The following RBMS1 variants were observed in gnomAD, a reference collection of about 807,000 sequenced individuals.
RBMS1 encodes the protein RNA-binding motif, single-stranded-interacting protein 1.
In RBMS1, 17 loss-of-function variants were observed where a neutral mutation model predicts 62.3. That is an observed-to-expected ratio of 0.27 (90% confidence interval 0.19 to 0.41). RBMS1 has a LOEUF of 0.41. RBMS1 is among the 10% of genes least tolerant of loss of function. The probability of loss-of-function intolerance (pLI) is 1.00; values close to 1 mark genes in which losing one functional copy is unlikely to be tolerated. For synonymous variants in RBMS1, 172 were observed against 170.0 expected, an observed-to-expected ratio of 1.01 and a Z score of -0.09; for missense variants, 334 against 504.5, an observed-to-expected ratio of 0.66 and a Z score of 3.24.
At chr2:160,321,361 C>T (rs1690551794) in intron 2 of RBMS1, among the ~76,000 whole-genome samples, 1 of 152,118 alleles carries the variant, frequency 6.6e-6, no homozygotes, top group South Asian at 2.1e-4. Flanking sequence ...CCCTCCTTAA[C>T]TAAGTACTTT....
At chr2:160,453,201 A>G (rs570597143) in intron 1 of RBMS1, among the ~76,000 whole-genome samples, 23 of 152,190 alleles carry the variant, frequency 1.5e-4, no homozygotes, top group African/African-American at 4.8e-4. Flanking sequence ...AGGAGGAACT[A>G]GTCCAGAGAG....
intron 4 of RBMS1, among the ~76,000 whole-genome samples, chr2:160,306,622 A>C (rs2105956655): frequency 6.6e-6 from 1 of 151,962 alleles, no homozygotes; most frequent in Non-Finnish European, 1.5e-5. Context: ...AGTAATTTAA[A>C]AAAAAAAAAG....
chr2:160,471,691 G>GTGTGTATATATATATATATA (rs1275928756), intron 1 of RBMS1, among the ~76,000 whole-genome samples: 18 of 65,938 alleles, frequency 2.7e-4, no homozygotes, highest in African/African-American at 8.8e-4. Flanking sequence ...ATCCTTTGGT[G>GTGTGTATATATATATATATA]TATATATATA....
At chr2:160,295,327 T>A (rs763337842) in intron 6 of RBMS1, among the ~76,000 whole-genome samples, 1 of 152,176 alleles carries the variant, frequency 6.6e-6, no homozygotes, top group Non-Finnish European at 1.5e-5. Flanking sequence ...GTTCCCTGAG[T>A]CTAGCACAAA....
chr2:160,318,984 T>C (rs1690391143), intron 2 of RBMS1, among the ~76,000 whole-genome samples: 1 of 152,240 alleles, frequency 6.6e-6, no homozygotes, highest in Non-Finnish European at 1.5e-5. Flanking sequence ...ATGAGAAATA[T>C]GTTCAAATTC....
chr2:160,364,166 A>C (rs1230661515), intron 2 of RBMS1, among the ~76,000 whole-genome samples: 1 of 152,202 alleles, frequency 6.6e-6, no homozygotes, highest in Non-Finnish European at 1.5e-5. Context: ...GAGAAGGAAG[A>C]GAATTAGGCC....
rs912430575 is a variant in RBMS1, at chr2:160,281,254, A to T, written c.951+60T>A. On this transcript the variant is annotated intron_variant, in intron 10 of 13. Coordinates refer to ENST00000348849, the MANE Select transcript of RBMS1 (RefSeq NM_016836.4). Reference sequence around the variant, plus strand: ...CACCCTTGGCAAATGGTTTTAACCTAGAGAGAATATACACATAACTTACTT... The same window carrying T: ...CACCCTTGGCAAATGGTTTTAACCTTGAGAGAATATACACATAACTTACTT... The T allele has an allele frequency of 7.3e-6, 10 of 1,361,612 alleles. No individual in the cohort carries two copies. In the African/African-American group the frequency reaches 1.3e-4, roughly 18 times the overall value. The allele number at this position is 1,361,612 out of a possible 1,614,324, so 84.3% of individuals were successfully genotyped here.
At chr2:160,367,613 AC>A (rs1693481962) in intron 1 of RBMS1, 2 of 667,414 alleles carry the variant, frequency 3.0e-6, no homozygotes, top group African/African-American at 3.6e-5. Flanking sequence ...CTCTATGTGC[AC>A]CTTAAATGTG....
chr2:160,280,619 C>T (rs527259290), intron 10 of RBMS1, among the ~76,000 whole-genome samples: 1 of 152,206 alleles, frequency 6.6e-6, no homozygotes, highest in South Asian at 2.1e-4. Context: ...GCATCAGTTA[C>T]TAGAAAGCTT....
chr2:160,473,104 G>C (rs1347619491), intron 1 of RBMS1, among the ~76,000 whole-genome samples: 1 of 152,200 alleles, frequency 6.6e-6, no homozygotes, highest in African/African-American at 2.4e-5. Flanking sequence ...AACGCTAAGT[G>C]ACAGTTGACT....
intron 1 of RBMS1, among the ~76,000 whole-genome samples, chr2:160,463,324 T>C (rs1374554094): frequency 6.6e-6 from 1 of 152,242 alleles, no homozygotes; most frequent in Non-Finnish European, 1.5e-5. Context: ...AGTAGATATC[T>C]ACTTTCATTT....
chr2:160,364,956 A>G (rs1693319846), intron 2 of RBMS1, among the ~76,000 whole-genome samples: 1 of 152,130 alleles, frequency 6.6e-6, no homozygotes, highest in Non-Finnish European at 1.5e-5. Context: ...GTATGGATTT[A>G]TATCTTTTTT....
chr2:160,280,413 T>C (rs1355696054), intron 10 of RBMS1, among the ~76,000 whole-genome samples: 3 of 152,202 alleles, frequency 2.0e-5, no homozygotes, highest in African/African-American at 7.2e-5. Flanking sequence ...CAGCAATTTC[T>C]CATTCAGAAC....
intron 1 of RBMS1, among the ~76,000 whole-genome samples, chr2:160,475,042 T>C (rs1490340101): frequency 6.6e-6 from 1 of 152,230 alleles, no homozygotes; most frequent in African/African-American, 2.4e-5. Context: ...ACTAATTTTC[T>C]TAGAAAGTTT....
At position 160,426,762 on chromosome 2, in the gene RBMS1, C is replaced by T. The variant is rs1378483746; in HGVS notation, c.76-59371G>A. Among the ~76,000 whole-genome samples, 4 of 152,118 alleles carry T rather than the reference C, an allele frequency of 2.6e-5. No homozygotes were observed. In the East Asian group the frequency reaches 5.8e-4, roughly 22 times the overall value. The stretch of plus-strand genomic sequence containing the variant: ...GAGCGCTTCCTCTCCAGATCTGTGC[C>T]GCCACCTCATTCCGGGTGACTTCTA... On this transcript the variant is annotated intron_variant, in intron 1 of 13. Transcript: ENST00000348849.
Position 160,287,605 on chromosome 2 carries a change from T to TGAAAA in RBMS1, c.641-522_641-521insTTTTC, listed in dbSNP as rs1688467088. Among the ~76,000 whole-genome samples the TGAAAA allele has an allele frequency of 2.0e-5, 3 of 152,398 alleles. No individual in the cohort carries two copies. In the South Asian group the frequency reaches 6.2e-4, roughly 32 times the overall value. On this transcript the variant is annotated intron_variant, in intron 6 of 13. Transcript: ENST00000348849. ...TGAGTATGTTTACTTGCTTGGTGTC[T>TGAAAA]GTTTCCCCTTCTAGGCTATACGCCC...
chr2:160,404,405 TA>T (rs546924510), intron 1 of RBMS1, among the ~76,000 whole-genome samples: 142 of 152,268 alleles, frequency 9.3e-4, no homozygotes, highest in Non-Finnish European at 1.7e-3. Context: ...ACCCTCCGTA[TA>T]AAGAGGTTCT....
intron 1 of RBMS1, among the ~76,000 whole-genome samples, chr2:160,477,156 C>T (rs746380915): frequency 5.9e-5 from 9 of 152,062 alleles, no homozygotes; most frequent in Admixed American, 1.3e-4. Context: ...ACTTTACAGG[C>T]GGCCTAAGAG....
chr2:160,277,692 T>C (rs1427716372), intron 11 of RBMS1: 1 of 248,514 alleles, frequency 4.0e-6, no homozygotes, highest in African/African-American at 2.2e-5. Flanking sequence ...GTATCACTAA[T>C]GTGTGATTTT....
Sources: gnomAD v4.1 joint callset for allele counts (sites outside exome capture counted in the v4.1 genomes callset) on GRCh38, gnomAD v4.1.1 for gene constraint, MANE v1.5 for transcripts, NCBI Gene and HGNC (gene_info 2026-07-23, HGNC 2026-07-21) for gene names.